GLI2: variants seen among roughly 807,000 people sequenced by gnomAD.
GLI2 encodes the protein transcription activator GLI2.
Under a neutral mutation model 78.9 loss-of-function variants are expected in GLI2, and 22 were observed. The observed-to-expected ratio is 0.28, with a 90% confidence interval of 0.20 to 0.40. The LOEUF is 0.40. Ranked by LOEUF, GLI2 falls within the 10% of genes least tolerant of loss-of-function variation. The probability of loss-of-function intolerance (pLI) is 1.00; values close to 1 mark genes in which losing one functional copy is unlikely to be tolerated. For synonymous variants in GLI2, 974 were observed against 963.7 expected, an observed-to-expected ratio of 1.01 and a Z score of -0.20; for missense variants, 2,097 against 2,213.2, an observed-to-expected ratio of 0.95 and a Z score of 1.05.
intron 1 of GLI2, among the ~76,000 whole-genome samples, chr2:120,774,757 C>T (rs972578881): frequency 1.2e-4 from 19 of 152,096 alleles, no homozygotes; most frequent in Non-Finnish European, 2.2e-4. Flanking sequence ...TTGCCACAGT[C>T]CTCACCACTC....
chr2:120,755,154 T>G (rs1453140021), intron 1 of GLI2, among the ~76,000 whole-genome samples: 2 of 152,218 alleles, frequency 1.3e-5, no homozygotes, highest in Admixed American at 6.5e-5. Flanking sequence ...CACAGCCTAT[T>G]TAACTTTTTA....
chr2:120,769,674 C>T (rs930703477), intron 1 of GLI2, among the ~76,000 whole-genome samples: 16 of 152,208 alleles, frequency 1.1e-4, no homozygotes, highest in Admixed American at 5.9e-4. Context: ...TGTGTGAGAG[C>T]GTGTGTGTGT....
rs934078908 is a variant in GLI2, at chr2:120,737,494, G to T, written c.-31+1209G>T. On this transcript the variant is annotated intron_variant, in intron 1 of 13. Transcript: ENST00000361492. The surrounding 1 kb of genome is among the most constrained non-coding windows in gnomAD (Gnocchi z 4.3). ...CCTAGAGTTGATCCCAGCTGGAAAAGTAGACCTGTCCCTACTGTCTGGTCC... is the reference window on the plus strand; with the variant it reads ...CCTAGAGTTGATCCCAGCTGGAAAATTAGACCTGTCCCTACTGTCTGGTCC... Among the ~76,000 whole-genome samples, 1 of 152,154 alleles carries T rather than the reference G, an allele frequency of 6.6e-6. No individual in the cohort carries two copies. Among genetic ancestry groups the T allele is most frequent in the Non-Finnish European group, 1.5e-5 (1 of 68,030 alleles).
At chr2:120,866,140 TTAC>T (rs1489789870) in intron 2 of GLI2, among the ~76,000 whole-genome samples, 1 of 152,240 alleles carries the variant, frequency 6.6e-6, no homozygotes, top group Non-Finnish European at 1.5e-5. Context: ...GAAACATGTC[TTAC>T]TCTAGAGGCC....
intron 12 of GLI2, among the ~76,000 whole-genome samples, chr2:120,985,892 T>C (rs997859480): frequency 3.3e-5 from 5 of 152,214 alleles, no homozygotes; most frequent in African/African-American, 9.6e-5. Context: ...TCCTGTCTGG[T>C]TGAAGCCACC....
At chr2:120,912,018 C>T (rs550627402) in intron 2 of GLI2, among the ~76,000 whole-genome samples, 3 of 152,140 alleles carry the variant, frequency 2.0e-5, no homozygotes, top group Non-Finnish European at 2.9e-5. Flanking sequence ...TCACTCAGAC[C>T]CTCCTCCTGG....
intron 2 of GLI2, among the ~76,000 whole-genome samples, chr2:120,859,610 G>A (rs1324895640): frequency 6.6e-6 from 1 of 151,858 alleles, no homozygotes; most frequent in Admixed American, 6.6e-5. Context: ...GCACACCACC[G>A]TACCCAGCTA....
chr2:120,756,146 T>C (rs1167321241), intron 1 of GLI2, among the ~76,000 whole-genome samples: 1 of 152,210 alleles, frequency 6.6e-6, no homozygotes, highest in Non-Finnish European at 1.5e-5. Context: ...GTGGTAAATG[T>C]AGATGTATTT....
At chr2:120,889,728 G>A (rs139666983) in intron 2 of GLI2, among the ~76,000 whole-genome samples, 1 of 152,162 alleles carries the variant, frequency 6.6e-6, no homozygotes, top group Non-Finnish European at 1.5e-5. Flanking sequence ...ACATGAAAAG[G>A]TGTTCAACTT....
chr2:120,826,078 G>A (rs886105862), intron 2 of GLI2, among the ~76,000 whole-genome samples: 9 of 151,954 alleles, frequency 5.9e-5, no homozygotes, highest in Admixed American at 2.6e-4. Flanking sequence ...GCGTTGGGCC[G>A]TGGCCAGGCT....
intron 1 of GLI2, among the ~76,000 whole-genome samples, chr2:120,746,889 ACATTATAT>A (rs894016874): frequency 1.3e-5 from 2 of 152,208 alleles, no homozygotes; most frequent in African/African-American, 4.8e-5. Flanking sequence ...TATTTATTTA[ACATTATAT>A]CATGGAGATC....
intron 2 of GLI2, among the ~76,000 whole-genome samples, chr2:120,799,796 A>G (rs1338000862): frequency 3.3e-5 from 5 of 152,222 alleles, no homozygotes; most frequent in African/African-American, 7.2e-5. Flanking sequence ...TGAGTCCCCC[A>G]GAAGGCTCCA....
At chr2:120,785,925 A>T (rs903665952) in intron 1 of GLI2, among the ~76,000 whole-genome samples, 4 of 152,202 alleles carry the variant, frequency 2.6e-5, no homozygotes, top group Non-Finnish European at 5.9e-5. Context: ...CCGCTGCATC[A>T]TTGGCAAAGG....
intron 2 of GLI2, among the ~76,000 whole-genome samples, chr2:120,868,720 C>A (rs77255377): frequency 2.0e-5 from 3 of 152,048 alleles, no homozygotes; most frequent in Non-Finnish European, 4.4e-5. Context: ...GAGAAATGGT[C>A]GAGGGAAGAG....
chr2:120,757,162 A>G (rs1683056822), intron 1 of GLI2, among the ~76,000 whole-genome samples: 1 of 150,796 alleles, frequency 6.6e-6, no homozygotes, highest in Non-Finnish European at 1.5e-5. Flanking sequence ...TGCGAATTCT[A>G]ACATTTGTAC....
rs1679725788 is a variant in GLI2 at position 120,927,235 on chromosome 2, A to G, written c.149-126A>G. ...TTCGTGGGTGTGTGATCGCGCGGGCACTGCGGAGCCCCTTGTCCTGGCTGC... is the reference window on the plus strand; with the variant it reads ...TTCGTGGGTGTGTGATCGCGCGGGCGCTGCGGAGCCCCTTGTCCTGGCTGC... On this transcript the variant is annotated intron_variant, in intron 2 of 13. Coordinates refer to ENST00000361492, the MANE Select transcript of GLI2 (RefSeq NM_001374353.1). 3.8e-6 allele frequency: 3 copies of G among 781,432 alleles called. No individual in the cohort carries two copies. In the East Asian group the frequency reaches 7.3e-5, roughly 19 times the overall value. The allele number at this position is 781,432 out of a possible 1,614,324, so 48.4% of individuals were successfully genotyped here.
chr2:120,858,381 A>T (rs558878663), intron 2 of GLI2, among the ~76,000 whole-genome samples: 2 of 152,298 alleles, frequency 1.3e-5, no homozygotes, highest in East Asian at 3.9e-4. Flanking sequence ...ATGTCCATAG[A>T]TTTGAAGACT....
intron 2 of GLI2, among the ~76,000 whole-genome samples, chr2:120,816,445 T>C (rs1573421485): frequency 6.6e-6 from 1 of 152,136 alleles, no homozygotes; most frequent in East Asian, 1.9e-4. Context: ...TCGGCCCATC[T>C]AGGCCTCCCA....
intron 2 of GLI2, among the ~76,000 whole-genome samples, chr2:120,806,622 C>T (rs114262909): frequency 0.013 from 1,993 of 152,260 alleles, 44 homozygotes; most frequent in African/African-American, 0.046. Flanking sequence ...CATATGTCTC[C>T]TGCCTGGCAT....
Sources: gnomAD v4.1 joint callset for allele counts (sites outside exome capture counted in the v4.1 genomes callset) on GRCh38, gnomAD v4.1.1 for gene constraint, Gnocchi (gnomAD v3.1) non-coding constraint, MANE v1.5 for transcripts, NCBI Gene and HGNC (gene_info 2026-07-23, HGNC 2026-07-21) for gene names.